EFCAB11: variants seen among roughly 807,000 people sequenced by gnomAD.
EFCAB11 encodes EF-hand calcium binding domain 11.
EFCAB11 carries 14 observed loss-of-function variants against 23.0 expected under a neutral mutation model. The ratio of observed to expected loss-of-function variants is 0.61; its 90% CI spans 0.40 to 0.95. EFCAB11 has a LOEUF of 0.95. Ranked by LOEUF, EFCAB11 falls within the 40% of genes least tolerant of loss-of-function variation. EFCAB11 has a pLI of 0.00. For synonymous variants in EFCAB11, 65 were observed against 66.6 expected, an observed-to-expected ratio of 0.98 and a Z score of 0.11; for missense variants, 198 against 195.8, an observed-to-expected ratio of 1.01 and a Z score of -0.07.
rs1010436237 is a variant in EFCAB11 at position 89,795,589 on chromosome 14, C to T, written c.*1654G>A. The T allele has an allele frequency of 6.6e-6, 1 of 151,848 alleles. No individual in the cohort carries two copies. The highest frequency in any genetic ancestry group is 2.4e-5 in the African/African-American group (1 of 41,358). 9.4% of individuals were successfully genotyped at this position (151,848 alleles called of 1,614,324 possible). A position where few individuals can be genotyped will look rare whatever the true frequency, so the allele number is the denominator to read the frequency against. ...GGCTAAGGCAGGAGAATCACTTGAT[C>T]CCAGGAGGCGGAAGTTGCAGTGAGC... On this transcript the variant is annotated 3_prime_UTR_variant, in exon 6 of 6. Coordinates refer to ENST00000316738, the MANE Select transcript of EFCAB11 (RefSeq NM_145231.4).
intron 5 of EFCAB11, among the ~76,000 whole-genome samples, chr14:89,822,488 T>G (rs1228895177): frequency 2.0e-5 from 3 of 152,140 alleles, no homozygotes; most frequent in Non-Finnish European, 4.4e-5. Context: ...GGATTGGTCC[T>G]CCCACCCCAC....
chr14:89,862,113 G>C (rs1243567599), intron 5 of EFCAB11, among the ~76,000 whole-genome samples: 1 of 152,094 alleles, frequency 6.6e-6, no homozygotes, highest in Middle Eastern at 3.2e-3. Context: ...AGCTCTTATA[G>C]AAACCATGGT....
chr14:89,886,798 T>C (rs1413186590), intron 5 of EFCAB11, among the ~76,000 whole-genome samples: 1 of 152,178 alleles, frequency 6.6e-6, no homozygotes, highest in Non-Finnish European at 1.5e-5. Flanking sequence ...TTTATTGCAG[T>C]TTTGGTAATT....
intron 3 of EFCAB11, among the ~76,000 whole-genome samples, chr14:89,939,599 A>G (rs1470979764): frequency 6.6e-6 from 1 of 152,168 alleles, no homozygotes; most frequent in Non-Finnish European, 1.5e-5. Context: ...ATCCTTCAGC[A>G]TGTCCAGCTC....
At chr14:89,928,500 A>G (rs922384425) in intron 5 of EFCAB11, among the ~76,000 whole-genome samples, 1 of 151,888 alleles carries the variant, frequency 6.6e-6, no homozygotes, top group Non-Finnish European at 1.5e-5. Context: ...ACATAGATCT[A>G]AATGGGAAAA....
chr14:89,936,442 T>C (rs1453535372), intron 3 of EFCAB11, among the ~76,000 whole-genome samples: 1 of 152,258 alleles, frequency 6.6e-6, no homozygotes, highest in African/African-American at 2.4e-5. Context: ...TTAAACTGTA[T>C]GCCTATTACC....
At chr14:89,889,449 A>C (rs535847707) in intron 5 of EFCAB11, among the ~76,000 whole-genome samples, 1 of 152,350 alleles carries the variant, frequency 6.6e-6, no homozygotes, top group South Asian at 2.1e-4. Context: ...GGCTTAGAAC[A>C]GTGCTTGCCA....
chr14:89,800,704 T>C (rs1220907679), intron 5 of EFCAB11, among the ~76,000 whole-genome samples: 1 of 152,140 alleles, frequency 6.6e-6, no homozygotes, highest in Non-Finnish European at 1.5e-5. Flanking sequence ...GTTTTTGAGA[T>C]GCAAAAGGGA....
intron 5 of EFCAB11, among the ~76,000 whole-genome samples, chr14:89,811,018 G>A (rs1162398363): frequency 6.6e-6 from 1 of 152,114 alleles, no homozygotes; most frequent in African/African-American, 2.4e-5. Flanking sequence ...AGGAGAGGGT[G>A]GGACATAGGG....
rs76077861 is a variant in EFCAB11 at position 89,866,343 on chromosome 14, C to T, written c.410+65198G>A. Among the ~76,000 whole-genome samples, 571 of 152,328 alleles carry T rather than the reference C, an allele frequency of 3.7e-3. 4 individuals are homozygous for T. Among genetic ancestry groups the T allele is most frequent in the African/African-American group, 0.013 (551 of 41,580 alleles). ...TTTAAGCCCCAATTAAACGCATGGC[C>T]AGGGCCACACAGTAGAAGCTGTTGC... On this transcript the variant is annotated intron_variant, in intron 5 of 5. Transcript: ENST00000316738.
intron 5 of EFCAB11, among the ~76,000 whole-genome samples, chr14:89,835,925 G>T (rs931990984): frequency 2.6e-5 from 4 of 152,082 alleles, no homozygotes; most frequent in South Asian, 2.1e-4. Flanking sequence ...ACTGCACCTG[G>T]CCCAACCTGT....
intron 5 of EFCAB11, chr14:89,836,425 C>A: frequency 2.7e-6 from 1 of 372,322 alleles, no homozygotes; most frequent in Non-Finnish European, 5.3e-6. Context: ...CTTTTAGTAC[C>A]TTTGCAGGCC....
At chr14:89,856,294 T>C (rs7146959) in intron 5 of EFCAB11, among the ~76,000 whole-genome samples, 97,814 of 151,488 alleles carry the variant, frequency 0.65, 33,616 homozygotes, top group Non-Finnish European at 0.79. Context: ...GTTTGGGTGA[T>C]TATCCTGGCT....
At chr14:89,858,400 T>C (rs556361651) in intron 5 of EFCAB11, among the ~76,000 whole-genome samples, 1 of 152,342 alleles carries the variant, frequency 6.6e-6, no homozygotes, top group East Asian at 1.9e-4. Flanking sequence ...AAATGTTTAT[T>C]GTTTTAATCA....
At chr14:89,867,001 C>A (rs966118259) in intron 5 of EFCAB11, among the ~76,000 whole-genome samples, 2 of 152,152 alleles carry the variant, frequency 1.3e-5, no homozygotes, top group African/African-American at 4.8e-5. Flanking sequence ...CAACTCCTGA[C>A]CTCAAGTGAT....
intron 5 of EFCAB11, among the ~76,000 whole-genome samples, chr14:89,801,034 C>CA (rs1885760728): frequency 1.6e-5 from 1 of 63,654 alleles, no homozygotes; most frequent in African/African-American, 5.2e-5. Flanking sequence ...GATCCCACCT[C>CA]AAAAAAGAAA....
At chr14:89,949,131 A>T (rs1891074124) in intron 3 of EFCAB11, among the ~76,000 whole-genome samples, 1 of 152,208 alleles carries the variant, frequency 6.6e-6, no homozygotes, top group African/African-American at 2.4e-5. Flanking sequence ...CTAAGAGTGT[A>T]ACTGGACTGT....
At chr14:89,832,928 T>C (rs192651342) in intron 5 of EFCAB11, 15 of 152,322 alleles carry the variant, frequency 9.8e-5, no homozygotes, top group African/African-American at 3.1e-4. Flanking sequence ...CTTGGTGGCA[T>C]AGGTAATGCC....
At chr14:89,849,609 T>TTG (rs1887540127) in intron 5 of EFCAB11, among the ~76,000 whole-genome samples, 1 of 150,148 alleles carries the variant, frequency 6.7e-6, no homozygotes, top group Non-Finnish European at 1.5e-5. Flanking sequence ...GAAATCTGTT[T>TTG]TTTTTTTTTT....
Sources: allele counts gnomAD v4.1 joint callset (sites outside exome capture counted in the v4.1 genomes callset), GRCh38; gene constraint gnomAD v4.1.1; transcripts MANE v1.5; gene names NCBI Gene and HGNC (gene_info 2026-07-23, HGNC 2026-07-21).